CD44: variants seen among roughly 807,000 people sequenced by gnomAD.
CD44 encodes the protein CD44 antigen.
Under a neutral mutation model 88.8 loss-of-function variants are expected in CD44, and 49 were observed. The ratio of observed to expected loss-of-function variants is 0.55; its 90% CI spans 0.44 to 0.70. The LOEUF (loss-of-function observed/expected upper bound fraction) is 0.70, where lower values mean the gene tolerates loss of function less well. Ranked by LOEUF, CD44 falls within the 30% of genes least tolerant of loss-of-function variation. CD44 has a pLI of 0.00. For missense variants in CD44, 883 were observed against 913.8 expected, an observed-to-expected ratio of 0.97 and a Z score of 0.43; for synonymous variants, 325 against 312.3, an observed-to-expected ratio of 1.04 and a Z score of -0.43.
intron 1 of CD44, among the ~76,000 whole-genome samples, chr11:35,175,642 A>C (rs1284818435): frequency 6.6e-6 from 1 of 152,208 alleles, no homozygotes; most frequent in Non-Finnish European, 1.5e-5. Context: ...TGTGTTTTGT[A>C]AGTTTTCTGT....
intron 5 of CD44, among the ~76,000 whole-genome samples, chr11:35,192,790 C>CTTTTTTTT (rs35505196): frequency 6.4e-5 from 7 of 109,574 alleles, no homozygotes; most frequent in African/African-American, 1.5e-4. Flanking sequence ...GGAATTCTTT[C>CTTTTTTTT]TTTTTTTTTT....
chr11:35,220,783 T>C (rs922707455), intron 16 of CD44, among the ~76,000 whole-genome samples: 7 of 145,570 alleles, frequency 4.8e-5, no homozygotes, highest in Admixed American at 1.3e-4. Context: ...TTTTTTTTTT[T>C]TGAGATGGAG....
intron 5 of CD44, among the ~76,000 whole-genome samples, chr11:35,194,043 G>T (rs1419510408): frequency 6.6e-6 from 1 of 152,178 alleles, no homozygotes; most frequent in Non-Finnish European, 1.5e-5. Context: ...ATAATCCAAA[G>T]ATAAATGCAT....
chr11:35,208,159 G>T lies in CD44; in HGVS notation c.1469G>T (p.Gly490Val). 1.2e-6 allele frequency: 2 copies of T among 1,613,298 alleles called. No homozygotes were observed. Among genetic ancestry groups the T allele is most frequent in the Non-Finnish European group, 1.7e-6 (2 of 1,179,286 alleles). ...CAGCCTACTGCAAATCCAAACACAG[G>T]TTTGGTGGAAGATTTGGACAGGACA... ...TLQPTANPNT[G>V]LVEDLDRTGP... Residue 490 changes from glycine to valine, a missense_variant, in exon 12 of 18, where the codon GGT (glycine) becomes GTT (valine). By Grantham distance (109) the Gly-to-Val change is moderately radical (BLOSUM62 -3). This residue lies in a region of CD44 where 631 missense variants were observed against 590.9 expected (regional missense o/e 1.07). Coordinates refer to ENST00000428726, the MANE Select transcript of CD44 (RefSeq NM_000610.4).
intron 7 of CD44, among the ~76,000 whole-genome samples, chr11:35,199,947 T>G (rs957610979): frequency 2.7e-5 from 4 of 149,294 alleles, no homozygotes; most frequent in East Asian, 1.9e-4. Flanking sequence ...TTTTTTTTTT[T>G]TTTTTTTTTT....
chr11:35,211,528 T>C (rs748539587), intron 14 of CD44, 79 bp downstream of exon 14: 5 of 1,043,050 alleles, frequency 4.8e-6, no homozygotes, highest in Non-Finnish European at 7.3e-6. Context: ...GAGGACATTT[T>C]CTGTGTAGTC....
chr11:35,162,320 A>G (rs941712190), intron 1 of CD44, among the ~76,000 whole-genome samples: 1 of 152,212 alleles, frequency 6.6e-6, no homozygotes, highest in Non-Finnish European at 1.5e-5. Flanking sequence ...GGCTTTTGCG[A>G]GGTATGGTCT....
chr11:35,228,789 T>G (rs1949897569), intron 17 of CD44, among the ~76,000 whole-genome samples: 2 of 152,196 alleles, frequency 1.3e-5, no homozygotes, highest in East Asian at 3.8e-4. Flanking sequence ...CAAATTTGAC[T>G]GTGCAGAGAA....
intron 1 of CD44, among the ~76,000 whole-genome samples, chr11:35,160,946 T>A (rs1590965293): frequency 6.6e-6 from 1 of 152,270 alleles, no homozygotes; most frequent in East Asian, 1.9e-4. Flanking sequence ...CTCCAATCTA[T>A]CCTCTCTATC....
chr11:35,181,937 TTATATATA>T (rs1945145822), intron 3 of CD44, among the ~76,000 whole-genome samples: 3 of 66,942 alleles, frequency 4.5e-5, no homozygotes, highest in African/African-American at 1.2e-4. Context: ...TATATATAAA[TTATATATA>T]ATATATATAA....
chr11:35,140,539 TTACTTTCTGCTTTCTCTATCTTCC>T (rs1160292402), intron 1 of CD44, among the ~76,000 whole-genome samples: 5 of 152,176 alleles, frequency 3.3e-5, no homozygotes. Context: ...GTATCTTGAA[TTACTTTCTGCTTTCTCTATCTTCC>T]TACTTTCTGC....
intron 1 of CD44, among the ~76,000 whole-genome samples, chr11:35,159,874 T>A (rs977729642): frequency 6.6e-6 from 1 of 152,230 alleles, no homozygotes; most frequent in African/African-American, 2.4e-5. Flanking sequence ...TTAATCCTGT[T>A]CTTCTGTCCC....
At chr11:35,197,437 C>T (rs1946868228) in intron 6 of CD44, 1 of 151,698 alleles carries the variant, frequency 6.6e-6, no homozygotes, top group Admixed American at 6.6e-5. Flanking sequence ...TTTTTTTATT[C>T]AAAAAGAAAA....
At chr11:35,208,799 C>T (rs1275608327) in intron 12 of CD44, among the ~76,000 whole-genome samples, 1 of 152,172 alleles carries the variant, frequency 6.6e-6, no homozygotes, top group East Asian at 1.9e-4. Flanking sequence ...ACTCTATGTG[C>T]AGGGATGTCC....
At position 35,189,966 on chromosome 11, in the gene CD44, T is replaced by C. The variant is rs372720045; in HGVS notation, c.568T>C (p.Ser190Pro). Reference sequence around the variant, plus strand: ...CTCCTCCAGTGAAAGGAGCAGCACTTCAGGAGGTTACATCTTTTACACCTT... The same window carrying C: ...CTCCTCCAGTGAAAGGAGCAGCACTCCAGGAGGTTACATCTTTTACACCTT... ...SGSSSERSST[S>P]GGYIFYTFST... The change falls in exon 5 of 18, where the codon TCA becomes CCA. Residue 190 changes from serine to proline, a missense_variant. Around this residue, in one of 2 missense-constraint regions of CD44, gnomAD observed 252 missense variants for 322.9 expected, o/e 0.78. Coordinates refer to ENST00000428726, the MANE Select transcript of CD44 (RefSeq NM_000610.4). 23 of 1,614,158 alleles carry C rather than the reference T, an allele frequency of 1.4e-5. No individual in the cohort carries two copies. The African/African-American group carries it at 2.0e-4, about 14-fold the overall frequency.
At chr11:35,171,369 T>G (rs866112660) in intron 1 of CD44, among the ~76,000 whole-genome samples, 1 of 152,160 alleles carries the variant, frequency 6.6e-6, no homozygotes, top group African/African-American at 2.4e-5. Context: ...GGGTTAGGAG[T>G]TGGACTTTCT....
At chr11:35,172,878 G>GT (rs1788066678) in intron 1 of CD44, among the ~76,000 whole-genome samples, 1 of 151,898 alleles carries the variant, frequency 6.6e-6, no homozygotes, top group Non-Finnish European at 1.5e-5. Context: ...TCTATGTATA[G>GT]TTTTTTCATA....
intron 1 of CD44, among the ~76,000 whole-genome samples, chr11:35,159,504 C>T (rs1185031368): frequency 6.6e-6 from 1 of 152,078 alleles, no homozygotes; most frequent in Non-Finnish European, 1.5e-5. Context: ...CTATGAGACC[C>T]CTTTGCAGCG....
intron 15 of CD44, 166 bp from the exon 16 acceptor site, chr11:35,219,150 G>A: frequency 1.6e-6 from 1 of 609,802 alleles, no homozygotes; most frequent in Non-Finnish European, 2.9e-6. Flanking sequence ...CAAATGAGGT[G>A]GGGGGGAAAT....
Sources: allele counts gnomAD v4.1 joint callset (sites outside exome capture counted in the v4.1 genomes callset), GRCh38; gene constraint gnomAD v4.1.1; regional missense constraint gnomAD v4.1.1; transcripts MANE v1.5; gene names NCBI Gene and HGNC (gene_info 2026-07-23, HGNC 2026-07-21).